The following NAA11 variants were observed in gnomAD, a reference collection of about 807,000 sequenced individuals.
NAA11 encodes the protein N-alpha-acetyltransferase 11, NatA catalytic subunit.
A neutral mutation model predicts 16.1 loss-of-function variants in NAA11; 15 were observed. That is an observed-to-expected ratio of 0.93 (90% confidence interval 0.62 to 1.44). The LOEUF (loss-of-function observed/expected upper bound fraction) is 1.44. Ranked by LOEUF, NAA11 falls within the 40% of genes most tolerant of loss-of-function variation. The pLI is 0.00. For synonymous variants in NAA11, 122 were observed against 112.4 expected, an observed-to-expected ratio of 1.09 and a Z score of -0.54; for missense variants, 298 against 291.3, an observed-to-expected ratio of 1.02 and a Z score of -0.17.
chr4:79,241,058 C>G (rs1029713845), intron 2 of NAA11, among the ~76,000 whole-genome samples: 16 of 152,066 alleles, frequency 1.1e-4, no homozygotes, highest in African/African-American at 3.9e-4. Context: ...AAAGTAGACC[C>G]TTGAATAACA....
intron 2 of NAA11, among the ~76,000 whole-genome samples, chr4:79,248,348 C>T (rs562755228): frequency 6.6e-6 from 1 of 152,222 alleles, no homozygotes; most frequent in African/African-American, 2.4e-5. Flanking sequence ...CCCCCACAAT[C>T]GTTTGATGGG....
chr4:79,237,403 G>A (rs1028940967), intron 2 of NAA11, among the ~76,000 whole-genome samples: 2 of 152,192 alleles, frequency 1.3e-5, no homozygotes, highest in African/African-American at 4.8e-5. Flanking sequence ...GTGCACACAT[G>A]TTTGAGTGTG....
chr4:79,215,824 T>A, the NAA11 span, among the ~76,000 whole-genome samples: 1 of 152,126 alleles, frequency 6.6e-6, no homozygotes, highest in Non-Finnish European at 1.5e-5. Flanking sequence ...AATTATTGAG[T>A]GAGGATTAAA....
intron 2 of NAA11, among the ~76,000 whole-genome samples, chr4:79,232,130 C>T (rs533571413): frequency 1.3e-4 from 20 of 151,636 alleles, no homozygotes; most frequent in Admixed American, 4.6e-4. Context: ...TTGAATAATC[C>T]ACACTGGGCA....
chr4:79,251,679 T>A (rs1009817239), intron 2 of NAA11, among the ~76,000 whole-genome samples: 15 of 151,854 alleles, frequency 9.9e-5, no homozygotes, highest in South Asian at 2.1e-4. Flanking sequence ...TAAAAAAAAA[T>A]AATAATAAAT....
At chr4:79,242,621 A>T (rs910182952) in intron 2 of NAA11, among the ~76,000 whole-genome samples, 3 of 152,216 alleles carry the variant, frequency 2.0e-5, no homozygotes, top group Admixed American at 6.5e-5. Context: ...CTTTATATTA[A>T]AATTCCCTGT....
chr4:79,183,272 T>G, the NAA11 span, among the ~76,000 whole-genome samples: 2 of 152,296 alleles, frequency 1.3e-5, no homozygotes, highest in East Asian at 3.9e-4. Flanking sequence ...GAAAAAAGTT[T>G]CTGTTTTGGC....
chr4:79,271,480 A>C (rs1007551068), intron 2 of NAA11, among the ~76,000 whole-genome samples: 1 of 152,078 alleles, frequency 6.6e-6, no homozygotes, highest in East Asian at 1.9e-4. Flanking sequence ...GAGAACATAA[A>C]AATTTGTTTC....
At chr4:79,294,101 C>G (rs1723154962) in exon 2 of NAA11, 1 of 152,222 alleles carries the variant, frequency 6.6e-6, no homozygotes, top group Admixed American at 6.5e-5. Context: ...GTAAATCACT[C>G]AGTCTGTGGC....
intron 2 of NAA11, among the ~76,000 whole-genome samples, chr4:79,229,229 G>GT (rs544969734): frequency 5.1e-4 from 77 of 151,692 alleles, no homozygotes; most frequent in Non-Finnish European, 9.4e-4. Flanking sequence ...TGCATTTTGG[G>GT]TTTTTTTATA....
the NAA11 span, among the ~76,000 whole-genome samples, chr4:79,172,023 G>T: frequency 2.0e-5 from 3 of 152,028 alleles, no homozygotes; most frequent in Non-Finnish European, 4.4e-5. Flanking sequence ...AGAAACTTAG[G>T]ACATTAAGAA....
chr4:79,174,336 G>A, the NAA11 span, among the ~76,000 whole-genome samples: 1 of 152,104 alleles, frequency 6.6e-6, no homozygotes, highest in Non-Finnish European at 1.5e-5. Context: ...TGATGCTAAA[G>A]TATTAAGATG....
At chr4:79,301,009 C>G (rs1012721133) in intron 1 of NAA11, among the ~76,000 whole-genome samples, 5 of 152,168 alleles carry the variant, frequency 3.3e-5, no homozygotes, top group African/African-American at 1.2e-4. Flanking sequence ...GAGTCACACA[C>G]AGGTTTGCAT....
At chr4:79,295,561 T>C (rs1039798860) in intron 1 of NAA11, among the ~76,000 whole-genome samples, 1 of 152,218 alleles carries the variant, frequency 6.6e-6, no homozygotes, top group African/African-American at 2.4e-5. Context: ...GACCTGTAGA[T>C]AAACTTAAAC....
chr4:79,290,491 A>C lies in NAA11; in HGVS notation c.*122+3514T>G, dbSNP rs116091213. 5.8e-3 allele frequency among the ~76,000 whole-genome samples: 880 copies of C among 152,230 alleles called. 8 individuals are homozygous for C. The highest frequency in any genetic ancestry group is 0.02 in the African/African-American group (839 of 41,542). ...CTCATCAGCAGGCTAAAGAGAGGAT[A>C]CATCTCTCGCTTAAGCTTGGGGCTT... On this transcript the variant is annotated intron_variant and NMD_transcript_variant, in intron 2 of 2. Transcript: ENST00000511542.
At chr4:79,295,581 T>G (rs1429032547) in intron 1 of NAA11, among the ~76,000 whole-genome samples, 1 of 152,088 alleles carries the variant, frequency 6.6e-6, no homozygotes, top group African/African-American at 2.4e-5. Flanking sequence ...CTCTCAGGAG[T>G]TGGTTTATCC....
intron 2 of NAA11, among the ~76,000 whole-genome samples, chr4:79,266,422 A>G (rs927355042): frequency 6.6e-6 from 1 of 152,186 alleles, no homozygotes; most frequent in Non-Finnish European, 1.5e-5. Context: ...AATACTCAGG[A>G]CTGCCTGAAG....
At chr4:79,251,721 T>C (rs1179174928) in intron 2 of NAA11, among the ~76,000 whole-genome samples, 1 of 152,224 alleles carries the variant, frequency 6.6e-6, no homozygotes, top group Non-Finnish European at 1.5e-5. Flanking sequence ...TATACTTGTC[T>C]TCCCACTTAT....
intron 2 of NAA11, among the ~76,000 whole-genome samples, chr4:79,285,928 T>C (rs1351355669): frequency 6.6e-6 from 1 of 152,076 alleles, no homozygotes; most frequent in Non-Finnish European, 1.5e-5. Flanking sequence ...CAGTGTATTA[T>C]ATAACTGCCA....
Sources: gnomAD v4.1 joint callset for allele counts (sites outside exome capture counted in the v4.1 genomes callset) on GRCh38, gnomAD v4.1.1 for gene constraint, MANE v1.5 for transcripts, NCBI Gene and HGNC (gene_info 2026-07-23, HGNC 2026-07-21) for gene names.